The following SCOC variants were observed in gnomAD, a reference collection of about 807,000 sequenced individuals.
SCOC encodes short coiled coil protein.
Under a neutral mutation model 9.9 loss-of-function variants are expected in SCOC, and 7 were observed. The observed-to-expected ratio is 0.71, with a 90% CI of 0.40 to 1.33. The LOEUF is 1.33. Among genes scored for constraint, SCOC ranks in the 40% most tolerant of loss-of-function variants. SCOC has a pLI of 0.01. For synonymous variants in SCOC, 19 were observed against 28.2 expected (o/e 0.67, Z 1.03); for missense variants, 66 against 89.7 (o/e 0.74, Z 1.07).
At chr4:140,373,441 G>A (rs1728149766), upstream of SCOC, 12 of 1,524,180 alleles carry the variant, frequency 7.9e-6, no homozygotes, top group East Asian at 2.5e-5. Context: ...CGCCCACAGC[G>A]ACCTCAATCC....
rs187709255 is a variant in SCOC at position 140,331,081 on chromosome 4, C to T, written c.-18-12540C>T. ...AGGCTAACATCCATATGTGGCAGCCCTCAAGTCTGGGCAATGGTGGCTCCA... is the reference window on the plus strand; with the variant it reads ...AGGCTAACATCCATATGTGGCAGCCTTCAAGTCTGGGCAATGGTGGCTCCA... On this transcript the variant is annotated intron_variant, in intron 1 of 4. Coordinates refer to the SCOC transcript ENST00000394205. Among the ~76,000 whole-genome samples the T allele has an allele frequency of 3.7e-3, 561 of 152,262 alleles. 4 individuals carry two copies. The highest frequency in any genetic ancestry group is 6.6e-3 in the Non-Finnish European group (448 of 68,020).
At chr4:140,320,321 T>G (rs1732462700) in intron 1 of SCOC, among the ~76,000 whole-genome samples, 1 of 152,196 alleles carries the variant, frequency 6.6e-6, no homozygotes, top group African/African-American at 2.4e-5. Flanking sequence ...AACCCACCTC[T>G]TGTTTAGCAT....
At chr4:140,267,595 G>T (rs1243001235) in intron 1 of SCOC, among the ~76,000 whole-genome samples, 1 of 152,090 alleles carries the variant, frequency 6.6e-6, no homozygotes, top group African/African-American at 2.4e-5. Context: ...GAGAAACGAG[G>T]CCTTCTCCCC....
At chr4:140,351,514 T>C (rs1010182726) in intron 2 of SCOC, among the ~76,000 whole-genome samples, 3 of 152,158 alleles carry the variant, frequency 2.0e-5, no homozygotes, top group Non-Finnish European at 2.9e-5. Context: ...TATTCAAAGC[T>C]GCGTCTGCGT....
intron 1 of SCOC, among the ~76,000 whole-genome samples, chr4:140,264,157 G>A (rs571152979): frequency 1.3e-5 from 2 of 152,022 alleles, no homozygotes; most frequent in South Asian, 2.1e-4. Flanking sequence ...GCACCACCAC[G>A]CCCAGCTAAT....
intron 1 of SCOC, among the ~76,000 whole-genome samples, chr4:140,335,773 A>G (rs912970055): frequency 3.9e-5 from 6 of 152,170 alleles, no homozygotes; most frequent in Non-Finnish European, 7.4e-5. Context: ...ATATTTTGAG[A>G]TCATGACAAA....
upstream of SCOC, among the ~76,000 whole-genome samples, chr4:140,338,898 C>T (rs1364585290): frequency 1.3e-5 from 2 of 152,140 alleles, no homozygotes; most frequent in African/African-American, 2.4e-5. Context: ...AGATTCAATG[C>T]CATCCCCATC....
In SCOC at chr4:140,385,716, G is replaced by T. The variant is rs1182316985; in HGVS notation, c.*4612G>T. The T allele has an allele frequency of 1.3e-5, 2 of 152,102 alleles. No homozygotes were observed. Among genetic ancestry groups the T allele is most frequent in the Admixed American group, 6.5e-5 (1 of 15,278 alleles). The allele number at this position is 152,102 out of a possible 1,614,324, so 9.4% of individuals were successfully genotyped here. ...CTTTACTTTGCCCAATAAAAATTTT[G>T]TTATTCCCTGAACACTTTGTGGTGA... On this transcript the variant is annotated 3_prime_UTR_variant, in exon 4 of 4. Transcript: ENST00000608372.
intron 1 of SCOC, chr4:140,283,816 T>C (rs950940697): frequency 6.6e-6 from 1 of 152,198 alleles, no homozygotes; most frequent in Non-Finnish European, 1.5e-5. Flanking sequence ...TAAAAATTTG[T>C]AGCAGTTTTA....
chr4:140,338,512 CCT>C (rs1315941536), upstream of SCOC, among the ~76,000 whole-genome samples: 1 of 152,156 alleles, frequency 6.6e-6, no homozygotes, highest in African/African-American at 2.4e-5. Flanking sequence ...TCAAATTGTC[CCT>C]GTTTGCAGAT....
chr4:140,257,594 C>T (rs1342651395), intron 1 of SCOC, among the ~76,000 whole-genome samples: 5 of 152,126 alleles, frequency 3.3e-5, no homozygotes, highest in African/African-American at 7.2e-5. Flanking sequence ...TCTCTCACGG[C>T]GGTGAGGAGC....
At chr4:140,288,784 A>G (rs1415443953) in intron 1 of SCOC, among the ~76,000 whole-genome samples, 1 of 152,012 alleles carries the variant, frequency 6.6e-6, no homozygotes, top group Admixed American at 6.6e-5. Context: ...CCCTACGCAT[A>G]CCACACATGT....
At chr4:140,313,547 C>T (rs141561776) in intron 1 of SCOC, among the ~76,000 whole-genome samples, 166 of 152,190 alleles carry the variant, frequency 1.1e-3, no homozygotes, top group African/African-American at 3.7e-3. Context: ...CGACTGTGCC[C>T]GGCGGAAATA....
intron 2 of SCOC, among the ~76,000 whole-genome samples, chr4:140,355,206 T>C (rs947661597): frequency 2.5e-4 from 4 of 16,172 alleles, no homozygotes; most frequent in Non-Finnish European, 4.0e-4. Flanking sequence ...CTATACATTA[T>C]ATTTTTATAT....
chr4:140,331,879 G>A (rs1326774860), intron 1 of SCOC, among the ~76,000 whole-genome samples: 1 of 152,154 alleles, frequency 6.6e-6, no homozygotes, highest in Non-Finnish European at 1.5e-5. Flanking sequence ...AAAGAACAGA[G>A]GTTTAATTGG....
chr4:140,277,628 A>G (rs1332294514), intron 1 of SCOC, among the ~76,000 whole-genome samples: 1 of 151,880 alleles, frequency 6.6e-6, no homozygotes, highest in Non-Finnish European at 1.5e-5. Context: ...ATGTACAAAG[A>G]GATATTTTTA....
At chr4:140,293,512 G>T in intron 1 of SCOC, 2 of 397,988 alleles carry the variant, frequency 5.0e-6, no homozygotes, top group East Asian at 7.2e-5. Context: ...AGGGAAAGAA[G>T]GATTGGATAG....
chr4:140,316,042 T>C (rs958293197), intron 1 of SCOC, among the ~76,000 whole-genome samples: 1 of 152,018 alleles, frequency 6.6e-6, no homozygotes, highest in Non-Finnish European at 1.5e-5. Flanking sequence ...AAATGTAACA[T>C]ATAATGTGCC....
At chr4:140,300,854 G>A (rs1006039156) in intron 1 of SCOC, among the ~76,000 whole-genome samples, 6 of 152,208 alleles carry the variant, frequency 3.9e-5, no homozygotes, top group African/African-American at 1.4e-4. Flanking sequence ...CAACATGTGT[G>A]TATATGCAAG....
Sources: gnomAD v4.1 joint callset for allele counts (sites outside exome capture counted in the v4.1 genomes callset) on GRCh38, gnomAD v4.1.1 for gene constraint, MANE v1.5 for transcripts, NCBI Gene and HGNC (gene_info 2026-07-23, HGNC 2026-07-21) for gene names.